Variants in CCDC134 observed in about 807,000 individuals in gnomAD.
CCDC134 encodes coiled-coil domain containing 134, also known as coiled-coil domain-containing protein 134.
Under a neutral mutation model 25.6 loss-of-function variants are expected in CCDC134, and 27 were observed. The ratio of observed to expected loss-of-function variants is 1.05; its 90% CI spans 0.78 to 1.45. The LOEUF is 1.45. Ranked by LOEUF, CCDC134 falls within the 40% of genes most tolerant of loss-of-function variation. CCDC134 has a pLI of 0.00. For missense variants in CCDC134, 261 were observed against 286.7 expected, an observed-to-expected ratio of 0.91 and a Z score of 0.65; for synonymous variants, 110 against 115.0, an observed-to-expected ratio of 0.96 and a Z score of 0.28.
intron 4 of CCDC134, among the ~76,000 whole-genome samples, chr22:41,811,812 C>A (rs2076597734): frequency 6.6e-6 from 1 of 152,156 alleles, no homozygotes. Context: ...AACTTGTGAC[C>A]ACTGGGGAAG....
At chr22:41,807,912 G>A (rs1602235684) in intron 1 of CCDC134, among the ~76,000 whole-genome samples, 1 of 152,178 alleles carries the variant, frequency 6.6e-6, no homozygotes, top group East Asian at 1.9e-4. Context: ...CTGAATCCCA[G>A]CACTTTGGGA....
intron 6 of CCDC134, among the ~76,000 whole-genome samples, chr22:41,819,996 T>TATATATATATATATATATATAG (rs1019930583): frequency 5.3e-5 from 7 of 132,366 alleles, no homozygotes; most frequent in African/African-American, 1.8e-4. Context: ...TATATATATA[T>TATATATATATATATATATATAG]ATAATTTTTT....
chr22:41,809,769 C>T (rs1313618616), intron 2 of CCDC134, 110 bp from the exon 3 acceptor site: 3 of 1,423,354 alleles, frequency 2.1e-6, no homozygotes, highest in Non-Finnish European at 2.9e-6. Context: ...CCCTGGGTGT[C>T]CATGGCCCTT....
At chr22:41,806,585 T>C (rs1431015060) in intron 1 of CCDC134, among the ~76,000 whole-genome samples, 4 of 152,040 alleles carry the variant, frequency 2.6e-5, no homozygotes, top group African/African-American at 7.2e-5. Context: ...TGTCAATTTG[T>C]TATTTATGTG....
At chr22:41,800,921 G>A (rs918984695) in intron 1 of CCDC134, among the ~76,000 whole-genome samples, 155 bp downstream of exon 1, 9 of 152,164 alleles carry the variant, frequency 5.9e-5, no homozygotes, top group Non-Finnish European at 1.2e-4. Context: ...CGGGAGCTCC[G>A]AAGGCTCGGG....
intron 5 of CCDC134, 60 bp from the exon 6 acceptor site, chr22:41,813,691 C>T: frequency 6.5e-7 from 1 of 1,533,042 alleles, no homozygotes; most frequent in East Asian, 2.2e-5. Context: ...GAAGGAATGA[C>T]TCTCTGGTGA....
At chr22:41,812,196 C>T (rs954808915) in intron 4 of CCDC134, among the ~76,000 whole-genome samples, 8 of 152,002 alleles carry the variant, frequency 5.3e-5, no homozygotes, top group Non-Finnish European at 7.4e-5. Flanking sequence ...CCGAGGCAGG[C>T]GGATTACTTG....
In CCDC134 at chr22:41,810,304, C is replaced by T; in HGVS notation, c.310+13C>T. 1.2e-6 allele frequency: 2 copies of T among 1,608,802 alleles called. No homozygotes were observed. The highest frequency in any genetic ancestry group is 1.3e-5 in the African/African-American group (1 of 74,850). On this transcript the variant is annotated intron_variant, in intron 4 of 6. Coordinates refer to ENST00000255784, the MANE Select transcript of CCDC134 (RefSeq NM_024821.5). Reference sequence around the variant, plus strand: ...AAGCTGAAGGATGGTATGGTCTGCCCTGCCCCGCCCTGTCCTCCGCACCAC... The same window carrying T: ...AAGCTGAAGGATGGTATGGTCTGCCTTGCCCCGCCCTGTCCTCCGCACCAC...
intron 1 of CCDC134, among the ~76,000 whole-genome samples, chr22:41,801,689 A>G (rs1244547927): frequency 6.6e-6 from 1 of 152,080 alleles, no homozygotes; most frequent in Non-Finnish European, 1.5e-5. Flanking sequence ...CCTACTAGAG[A>G]CAAGTACCAT....
chr22:41,816,775 G>A (rs1450759946), intron 6 of CCDC134, among the ~76,000 whole-genome samples: 6 of 152,182 alleles, frequency 3.9e-5, no homozygotes, highest in East Asian at 3.9e-4. Context: ...AAAATTATCC[G>A]GGTGTGGTGG....
At chr22:41,812,881 T>C (rs971064866) in intron 4 of CCDC134, among the ~76,000 whole-genome samples, 8 of 152,130 alleles carry the variant, frequency 5.3e-5, no homozygotes, top group Non-Finnish European at 1.0e-4. Flanking sequence ...TACATCAGCA[T>C]CTGTGTGCAG....
chr22:41,802,782 C>T (rs1171498965), intron 1 of CCDC134, among the ~76,000 whole-genome samples: 1 of 151,882 alleles, frequency 6.6e-6, no homozygotes, highest in Non-Finnish European at 1.5e-5. Context: ...GGCGTGGTGG[C>T]AGGTGCCTGT....
rs944406835 is a variant in CCDC134 at position 41,825,665 on chromosome 22, G to A, written c.565-33G>A. ...TCAGAGCAGGCTCTTTGCTGCCACA[G>A]ACTAAATCAGACTGCTCTTCTCTTC... is the stretch of plus-strand genomic sequence containing the variant. On this transcript the variant is annotated intron_variant, in intron 6 of 6. Transcript: ENST00000255784. The surrounding 1 kb of genome is among the most constrained non-coding windows in gnomAD (Gnocchi z 4.4). The A allele has an allele frequency of 1.2e-6, 2 of 1,613,094 alleles. No homozygotes were observed. Among genetic ancestry groups the A allele is most frequent in the East Asian group, 2.2e-5 (1 of 44,852 alleles).
chr22:41,804,706 T>C (rs1363758809), intron 1 of CCDC134, among the ~76,000 whole-genome samples: 1 of 152,214 alleles, frequency 6.6e-6, no homozygotes, highest in Non-Finnish European at 1.5e-5. Flanking sequence ...AGGCTTTCTA[T>C]GTACATTCTC....
intron 1 of CCDC134, among the ~76,000 whole-genome samples, chr22:41,806,410 C>T (rs1270723588): frequency 2.0e-5 from 3 of 151,426 alleles, no homozygotes; most frequent in Non-Finnish European, 2.9e-5. Flanking sequence ...TTAGTAGAGA[C>T]GGGGTTTCAC....
chr22:41,828,074 CT>C lies in CCDC134; in HGVS notation c.*2254del, dbSNP rs1324309949. 2.6e-4 allele frequency among the ~76,000 whole-genome samples: 39 copies of C among 152,322 alleles called. No individual in the cohort carries two copies. Among genetic ancestry groups the C allele is most frequent in the Middle Eastern group, 3.4e-3 (1 of 294 alleles). On this transcript the variant is annotated 3_prime_UTR_variant, in exon 7 of 7. Coordinates refer to ENST00000255784, the MANE Select transcript of CCDC134 (RefSeq NM_024821.5). Reference sequence around the variant, plus strand: ...GTGGGTCCAGCTTCGGCTGGAGGTTCTTTCTACTGAATAACTTCTACGGGCT... The same window carrying C: ...GTGGGTCCAGCTTCGGCTGGAGGTTCTTCTACTGAATAACTTCTACGGGCT...
intron 2 of CCDC134, 51 bp downstream of exon 2, chr22:41,809,044 G>T: frequency 6.9e-7 from 1 of 1,455,056 alleles, no homozygotes; most frequent in Non-Finnish European, 9.6e-7. Flanking sequence ...GTCTATAAAT[G>T]AGGTTCTTCT....
intron 6 of CCDC134, among the ~76,000 whole-genome samples, chr22:41,817,309 T>C (rs1388833497): frequency 1.3e-5 from 2 of 152,172 alleles, no homozygotes; most frequent in Non-Finnish European, 2.9e-5. Flanking sequence ...GAAGTAGGCT[T>C]GATCAGCAGT....
rs773419482 is a variant in CCDC134 at position 41,813,430 on chromosome 22, G to A, written c.477G>A (p.Ser159=). 3.1e-6 allele frequency: 5 copies of A among 1,614,184 alleles called. No individual in the cohort carries two copies. Among genetic ancestry groups the A allele is most frequent in the East Asian group, 2.2e-5 (1 of 44,886 alleles). Residue 159 remains serine (S), a synonymous_variant, in exon 5 of 7, where the codon TCG becomes TCA. Coordinates refer to ENST00000255784, the MANE Select transcript of CCDC134 (RefSeq NM_024821.5). ...GCGTCTTCAACCAGGGGCCCCACTC[G>A]CCCATCCTCAGCCTGGTAAGGACTG... The part of the protein sequence containing the change: ...QTGVFNQGPH[S]PILSLMAQEL...
Sources: gnomAD v4.1 joint callset for allele counts (sites outside exome capture counted in the v4.1 genomes callset) on GRCh38, gnomAD v4.1.1 for gene constraint, Gnocchi (gnomAD v3.1) non-coding constraint, MANE v1.5 for transcripts, NCBI Gene and HGNC (gene_info 2026-07-23, HGNC 2026-07-21) for gene names.